Variants in EYS observed in about 807,000 individuals in gnomAD.
EYS encodes protein eyes shut homolog.
EYS carries 250 observed loss-of-function variants against 282.1 expected under a neutral mutation model. The ratio of observed to expected loss-of-function variants is 0.89; its 90% confidence interval spans 0.80 to 0.98. The LOEUF (loss-of-function observed/expected upper bound fraction) is 0.98, where lower values mean the gene tolerates loss of function less well. EYS is among the 50% of genes least tolerant of loss of function. The probability of loss-of-function intolerance (pLI) is 0.00; values close to 1 mark genes in which losing one functional copy is unlikely to be tolerated. For synonymous variants in EYS, 1,355 were observed against 1,282.9 expected, an observed-to-expected ratio of 1.06 and a Z score of -1.20; for missense variants, 4,016 against 3,709.0, an observed-to-expected ratio of 1.08 and a Z score of -2.15.
chr6:65,521,077 T>C (rs1239941433), intron 2 of EYS, among the ~76,000 whole-genome samples: 3 of 152,182 alleles, frequency 2.0e-5, no homozygotes, highest in Admixed American at 6.5e-5. Context: ...AACAAGTTTA[T>C]ATGGATGCAT....
At chr6:63,854,597 G>A (rs967059038) in intron 36 of EYS, among the ~76,000 whole-genome samples, 8 of 152,094 alleles carry the variant, frequency 5.3e-5, no homozygotes, top group Non-Finnish European at 1.0e-4. Flanking sequence ...TTCTGCACAT[G>A]TATCCCAGAA....
chr6:64,008,010 A>C (rs1257279857), intron 33 of EYS, among the ~76,000 whole-genome samples: 2 of 152,118 alleles, frequency 1.3e-5, no homozygotes, highest in African/African-American at 4.8e-5. Flanking sequence ...TCAAGTGTCA[A>C]ATTCAGGTCC....
chr6:63,979,739 C>A (rs1253494488), intron 35 of EYS, among the ~76,000 whole-genome samples: 1 of 151,858 alleles, frequency 6.6e-6, no homozygotes, highest in African/African-American at 2.4e-5. Flanking sequence ...TCAGAATAAG[C>A]CTTCTGTATC....
intron 12 of EYS, among the ~76,000 whole-genome samples, chr6:65,218,776 C>T (rs951436151): frequency 6.6e-6 from 1 of 151,832 alleles, no homozygotes; most frequent in Non-Finnish European, 1.5e-5. Context: ...ACAATGAATT[C>T]TAAATAAAAT....
At chr6:65,575,623 A>C (rs1721921559) in intron 2 of EYS, among the ~76,000 whole-genome samples, 1 of 151,884 alleles carries the variant, frequency 6.6e-6, no homozygotes. Context: ...TAGACATGAG[A>C]AAAGCAACAG....
intron 22 of EYS, among the ~76,000 whole-genome samples, chr6:64,717,141 A>T (rs1343920777): frequency 6.6e-6 from 1 of 152,166 alleles, no homozygotes; most frequent in African/African-American, 2.4e-5. Flanking sequence ...AAAGGTATAG[A>T]TGGAAGTGGT....
intron 26 of EYS, among the ~76,000 whole-genome samples, chr6:64,506,738 C>A (rs1157547465): frequency 6.6e-6 from 1 of 151,866 alleles, no homozygotes; most frequent in Non-Finnish European, 1.5e-5. Flanking sequence ...CGGTGAAACC[C>A]CGTCTCTACT....
intron 36 of EYS, among the ~76,000 whole-genome samples, chr6:63,819,271 G>A (rs1771261295): frequency 6.6e-6 from 1 of 152,212 alleles, no homozygotes; most frequent in African/African-American, 2.4e-5. Context: ...ACCTGTTTGT[G>A]TGGTTTCATG....
intron 29 of EYS, among the ~76,000 whole-genome samples, chr6:64,358,564 T>C (rs866523479): frequency 2.0e-5 from 3 of 151,614 alleles, no homozygotes; most frequent in Admixed American, 2.0e-4. Context: ...ATCATTTCTA[T>C]GTTAGCCATG....
chr6:64,051,485 T>G (rs1770809040), intron 33 of EYS, among the ~76,000 whole-genome samples: 1 of 152,130 alleles, frequency 6.6e-6, no homozygotes, highest in African/African-American at 2.4e-5. Context: ...ATAGGATGCT[T>G]CCTGGAATAG....
At chr6:65,052,858 G>A (rs373690402) in intron 13 of EYS, among the ~76,000 whole-genome samples, 3 of 151,740 alleles carry the variant, frequency 2.0e-5, no homozygotes, top group East Asian at 1.9e-4. Flanking sequence ...AACCACTTAC[G>A]CCAGTGGATG....
chr6:65,277,380 C>A (rs1413489055), intron 12 of EYS, among the ~76,000 whole-genome samples: 1 of 150,304 alleles, frequency 6.7e-6, no homozygotes, highest in Non-Finnish European at 1.5e-5. Flanking sequence ...TTGCAGTGAG[C>A]TGAGATCATG....
chr6:64,982,180 C>T (rs187226269), intron 14 of EYS, among the ~76,000 whole-genome samples: 71 of 151,366 alleles, frequency 4.7e-4, no homozygotes, highest in Non-Finnish European at 9.0e-4. Flanking sequence ...AATTATGTAT[C>T]TCTGCATGGT....
intron 26 of EYS, among the ~76,000 whole-genome samples, chr6:64,466,122 C>A (rs933741226): frequency 1.3e-5 from 2 of 151,920 alleles, no homozygotes; most frequent in Non-Finnish European, 2.9e-5. Flanking sequence ...TAAGATGTGG[C>A]AAAAGGGGAC....
At chr6:64,592,226 A>G (rs1394149286) in intron 25 of EYS, among the ~76,000 whole-genome samples, 1 of 152,184 alleles carries the variant, frequency 6.6e-6, no homozygotes, top group Non-Finnish European at 1.5e-5. Flanking sequence ...TAAAGTTAGA[A>G]CAAATGGCAT....
intron 12 of EYS, among the ~76,000 whole-genome samples, chr6:65,157,076 G>T (rs80260523): frequency 0.028 from 4,260 of 151,032 alleles, 154 homozygotes; most frequent in African/African-American, 0.085. Flanking sequence ...TCTTTTAAGT[G>T]TTTTGACTTC....
intron 23 of EYS, among the ~76,000 whole-genome samples, chr6:64,625,750 G>A (rs1374672510): frequency 6.6e-6 from 1 of 152,138 alleles, no homozygotes; most frequent in East Asian, 1.9e-4. Context: ...GCTGACAATT[G>A]TGGGAAGAAA....
intron 12 of EYS, among the ~76,000 whole-genome samples, chr6:65,079,987 T>G (rs1281350585): frequency 6.6e-6 from 1 of 152,242 alleles, no homozygotes; most frequent in African/African-American, 2.4e-5. Context: ...TTACTATCAT[T>G]AATTAACCCA....
intron 5 of EYS, among the ~76,000 whole-genome samples, chr6:65,433,840 T>G (rs1566710): frequency 1.3e-5 from 2 of 148,198 alleles, no homozygotes; most frequent in Non-Finnish European, 3.0e-5. Flanking sequence ...ATCTTTCTTT[T>G]GGCCCAGAGG....
Sources: gnomAD v4.1 joint callset for allele counts (sites outside exome capture counted in the v4.1 genomes callset) on GRCh38, gnomAD v4.1.1 for gene constraint, MANE v1.5 for transcripts, NCBI Gene and HGNC (gene_info 2026-07-23, HGNC 2026-07-21) for gene names.